PLCL1: variants seen among roughly 807,000 people sequenced by gnomAD.
The protein encoded by PLCL1 is phospholipase C like 1 (inactive), also known as inactive phospholipase C-like protein 1.
A neutral mutation model predicts 84.4 loss-of-function variants in PLCL1; 41 were observed. The observed-to-expected ratio is 0.49, with a 90% CI of 0.38 to 0.63. The LOEUF (loss-of-function observed/expected upper bound fraction) is 0.63, where lower values mean the gene tolerates loss of function less well. PLCL1 is among the 30% of genes least tolerant of loss of function. PLCL1 has a pLI of 0.00. For synonymous variants in PLCL1, 490 were observed against 488.3 expected (o/e 1.00, Z -0.05); for missense variants, 1,206 against 1,367.8 (o/e 0.88, Z 1.87).
At chr2:198,030,332 C>T (rs1236999013) in intron 1 of PLCL1, among the ~76,000 whole-genome samples, 1 of 152,098 alleles carries the variant, frequency 6.6e-6, no homozygotes, top group Admixed American at 6.6e-5. Flanking sequence ...TTCTTGCTTG[C>T]TTTTGTTGAG....
At chr2:198,086,726 C>T (rs913748335) in intron 2 of PLCL1, among the ~76,000 whole-genome samples, 2 of 152,084 alleles carry the variant, frequency 1.3e-5, no homozygotes, top group African/African-American at 4.8e-5. Flanking sequence ...ACTGTGAATG[C>T]TATGTTAAGT....
intron 1 of PLCL1, among the ~76,000 whole-genome samples, chr2:197,932,830 G>T (rs916794781): frequency 6.6e-6 from 1 of 152,168 alleles, no homozygotes; most frequent in African/African-American, 2.4e-5. Context: ...GAATGGTGAA[G>T]AAATAGGAGA....
intron 1 of PLCL1, among the ~76,000 whole-genome samples, chr2:197,979,845 G>A (rs1690067694): frequency 6.6e-6 from 1 of 152,118 alleles, no homozygotes; most frequent in East Asian, 1.9e-4. Flanking sequence ...TACCTCATCT[G>A]TGGTGCCTTT....
At chr2:198,096,632 A>G (rs1245257077) in intron 3 of PLCL1, among the ~76,000 whole-genome samples, 1 of 152,206 alleles carries the variant, frequency 6.6e-6, no homozygotes, top group Non-Finnish European at 1.5e-5. Context: ...ACATTAACAT[A>G]AAAGTTAAAA....
intron 1 of PLCL1, among the ~76,000 whole-genome samples, chr2:197,933,534 T>A (rs1335808563): frequency 6.6e-6 from 1 of 152,210 alleles, no homozygotes; most frequent in Non-Finnish European, 1.5e-5. Flanking sequence ...ATAACAAGAT[T>A]AATAGATTAA....
At chr2:198,029,627 G>A (rs1463946254) in intron 1 of PLCL1, among the ~76,000 whole-genome samples, 3 of 152,012 alleles carry the variant, frequency 2.0e-5, no homozygotes, top group South Asian at 2.1e-4. Context: ...CTGCAGTCAC[G>A]GCTGCAGTGG....
At chr2:198,079,524 T>G (rs182298993) in intron 1 of PLCL1, among the ~76,000 whole-genome samples, 29 of 152,198 alleles carry the variant, frequency 1.9e-4, no homozygotes, top group Admixed American at 1.5e-3. Context: ...ATGATATAAA[T>G]GTAATAGAAA....
chr2:198,001,803 C>T, intron 1 of PLCL1: 1 of 180,942 alleles, frequency 5.5e-6, no homozygotes, highest in South Asian at 1.1e-4. Context: ...ACCACCTGAG[C>T]TCTGCCTCCT....
At position 198,131,861 on chromosome 2, in the gene PLCL1, A is replaced by G. The variant is rs747166393; in HGVS notation, c.3106-14919A>G. On this transcript the variant is annotated intron_variant, in intron 5 of 5. Coordinates refer to ENST00000428675, the MANE Select transcript of PLCL1 (RefSeq NM_006226.4). ...GAAGTGAGACTGCATGTGACGATGC[A>G]GGGAACACATCTCCTAGAAAGAAGA... 1.4e-4 allele frequency among the ~76,000 whole-genome samples: 21 copies of G among 152,226 alleles called. 1 individual carries two copies. The highest frequency in any genetic ancestry group is 2.5e-4 in the Non-Finnish European group (17 of 68,036).
rs539192370 is a variant in PLCL1 at position 198,084,168 on chromosome 2, G to T, written c.651G>T (p.Gly217=). The T allele has an allele frequency of 1.2e-6, 2 of 1,614,160 alleles. No individual in the cohort carries two copies. Among genetic ancestry groups the T allele is most frequent in the South Asian group, 1.1e-5 (1 of 91,082 alleles). ...SADVANIWVS[G]LRYLVSRSKQ... ...ATGTGGCAAACATCTGGGTGTCTGG[G>T]TTACGGTACCTGGTTTCTCGAAGTA... Residue 217 remains glycine, a synonymous_variant, in exon 2 of 6, where the codon GGG becomes GGT. Transcript: ENST00000428675.
At chr2:198,019,808 T>C (rs111286926) in intron 1 of PLCL1, among the ~76,000 whole-genome samples, 30,294 of 152,052 alleles carry the variant, frequency 0.2, 3,100 homozygotes, top group East Asian at 0.26. Context: ...AGTTGGAAAA[T>C]ACTCTTCAGG....
intron 5 of PLCL1, among the ~76,000 whole-genome samples, chr2:198,140,015 C>A (rs1434654958): frequency 1.3e-5 from 2 of 151,984 alleles, no homozygotes; most frequent in African/African-American, 4.8e-5. Flanking sequence ...CTCAATGCAG[C>A]CTCCACCTCC....
chr2:198,018,873 G>A (rs919462352), intron 1 of PLCL1, among the ~76,000 whole-genome samples: 1 of 152,184 alleles, frequency 6.6e-6, no homozygotes, highest in Non-Finnish European at 1.5e-5. Context: ...CACAGTGCTC[G>A]AGCTCTGCTA....
At chr2:197,960,368 A>G (rs1559056938) in intron 1 of PLCL1, among the ~76,000 whole-genome samples, 1 of 152,112 alleles carries the variant, frequency 6.6e-6, no homozygotes, top group Non-Finnish European at 1.5e-5. Flanking sequence ...TTTATAGGAA[A>G]ACAGAATGAT....
chr2:198,062,902 C>T (rs1349576002), intron 1 of PLCL1, among the ~76,000 whole-genome samples: 1 of 152,132 alleles, frequency 6.6e-6, no homozygotes, highest in Non-Finnish European at 1.5e-5. Flanking sequence ...ATCAGAATCA[C>T]CCTTGTCTTA....
rs550000897 is a variant in PLCL1 at position 197,875,783 on chromosome 2, T to C, written c.240+70444T>C. 3.1e-3 allele frequency among the ~76,000 whole-genome samples: 468 copies of C among 152,138 alleles called. 8 individuals are homozygous for C. In the South Asian group the frequency reaches 0.041, roughly 13 times the overall value. On this transcript the variant is annotated intron_variant, in intron 1 of 5. Transcript: ENST00000428675. ...TTGTTTTGTCTCTATTGTGATAAAA[T>C]TTCCAAGTCATTTACATATTTTCTA...
intron 2 of PLCL1, among the ~76,000 whole-genome samples, chr2:198,088,118 G>A (rs1357364935): frequency 6.6e-6 from 1 of 151,928 alleles, no homozygotes; most frequent in Non-Finnish European, 1.5e-5. Flanking sequence ...TATGTACTTT[G>A]CATATTTTAT....
At chr2:198,041,746 T>C (rs1691670151) in intron 1 of PLCL1, among the ~76,000 whole-genome samples, 1 of 152,170 alleles carries the variant, frequency 6.6e-6, no homozygotes. Context: ...TGTCATTGAA[T>C]AGGTCGGATA....
chr2:197,836,269 C>G (rs909804662), intron 1 of PLCL1, among the ~76,000 whole-genome samples: 1 of 151,574 alleles, frequency 6.6e-6, no homozygotes, highest in Non-Finnish European at 1.5e-5. Flanking sequence ...AACGGTGAAA[C>G]CCCGTCTCTA....
Sources: gnomAD v4.1 joint callset for allele counts (sites outside exome capture counted in the v4.1 genomes callset) on GRCh38, gnomAD v4.1.1 for gene constraint, MANE v1.5 for transcripts, NCBI Gene and HGNC (gene_info 2026-07-23, HGNC 2026-07-21) for gene names.